Variants in ANKMY1 observed in about 807,000 individuals in gnomAD.
The protein encoded by ANKMY1 is ankyrin repeat and MYND domain-containing protein 1.
In ANKMY1, 98 loss-of-function variants were observed where a neutral mutation model predicts 102.0. The observed-to-expected ratio is 0.96, with a 90% CI of 0.82 to 1.14. The LOEUF (loss-of-function observed/expected upper bound fraction) is 1.14. ANKMY1 is among the 50% of genes most tolerant of loss of function. ANKMY1 has a pLI of 0.00. For missense variants in ANKMY1, 1,330 were observed against 1,347.6 expected (o/e 0.99, Z 0.20); for synonymous variants, 582 against 559.9 (o/e 1.04, Z -0.56).
In ANKMY1 at chr2:240,525,716, T is replaced by A; in HGVS notation, c.1304A>T (p.Asn435Ile). ...LHYPAQSFKPNVAERTIPEPQ... is the reference protein window; with the variant it reads ...LHYPAQSFKPIVAERTIPEPQ... ...CTCAGGTATGGTCCGTTCAGCAACA[T>A]TGGGCTTGAAGGACTGGGCGGGGTA... The change falls in exon 7 of 18, where the codon AAT becomes ATT. Residue 435 changes from asparagine (N) to isoleucine (I), a missense_variant. Coordinates refer to ENST00000401804, the MANE Select transcript of ANKMY1 (RefSeq NM_001282771.3). The A allele has an allele frequency of 1.9e-6, 3 of 1,613,938 alleles. No homozygotes were observed. Among genetic ancestry groups the A allele is most frequent in the Non-Finnish European group, 1.7e-6 (2 of 1,179,976 alleles).
intron 9 of ANKMY1, among the ~76,000 whole-genome samples, chr2:240,514,702 T>C (rs1437725579): frequency 6.6e-6 from 1 of 152,200 alleles, no homozygotes; most frequent in East Asian, 1.9e-4. Context: ...GCAAAATGCA[T>C]TGAAGAGCAA....
chr2:240,512,724 G>A, intron 10 of ANKMY1, 78 bp downstream of exon 10: 13 of 1,503,900 alleles, frequency 8.6e-6, no homozygotes, highest in Admixed American at 2.0e-5. Context: ...GCAAGCACAG[G>A]CTAGGCAGAG....
chr2:240,472,893 G>A, the ANKMY1 span, among the ~76,000 whole-genome samples: 2 of 152,310 alleles, frequency 1.3e-5, no homozygotes, highest in African/African-American at 2.4e-5. Context: ...GGGAGGCTGA[G>A]GCAGGTAGGT....
intron 11 of ANKMY1, among the ~76,000 whole-genome samples, chr2:240,510,002 CTCCCTGTCCTCCTCCCCCG>C (rs1046860600): frequency 6.8e-6 from 1 of 146,996 alleles, no homozygotes; most frequent in Non-Finnish European, 1.5e-5. Flanking sequence ...CCCTTTGTGC[CTCCCTGTCCTCCTCCCCCG>C]TCCCTGTCCT....
chr2:240,512,400 T>C (rs1299810897), intron 10 of ANKMY1, among the ~76,000 whole-genome samples: 2 of 152,198 alleles, frequency 1.3e-5, no homozygotes, highest in African/African-American at 4.8e-5. Context: ...TGGGGGTCTT[T>C]TGGAGCTTGG....
In ANKMY1 at chr2:240,553,051, G is replaced by A; in HGVS notation, c.343C>T (p.His115Tyr). The A allele has an allele frequency of 6.2e-7, 1 of 1,613,364 alleles. No homozygotes were observed. Among genetic ancestry groups the A allele is most frequent in the Non-Finnish European group, 8.5e-7 (1 of 1,179,488 alleles). The change falls in exon 4 of 18, where the codon CAT becomes TAT. Residue 115 changes from histidine to tyrosine, a missense_variant. Transcript: ENST00000401804. ...CAGTGGTCCCGGTAAAACTGCCCATGGTATGACTGTGAGATGGAGAAGTTG... is the reference window on the plus strand; with the variant it reads ...CAGTGGTCCCGGTAAAACTGCCCATAGTATGACTGTGAGATGGAGAAGTTG... ...KFSWPTGESY[H>Y]GQFYRDHCHG...
At chr2:240,478,104 C>T (rs2074977729), downstream of ANKMY1, among the ~76,000 whole-genome samples, 1 of 152,118 alleles carries the variant, frequency 6.6e-6, no homozygotes, top group African/African-American at 2.4e-5. Context: ...GTGTGGCAGC[C>T]CCTCCCCTTC....
chr2:240,476,951 A>G (rs1220415981), downstream of ANKMY1, among the ~76,000 whole-genome samples: 1 of 152,234 alleles, frequency 6.6e-6, no homozygotes, highest in African/African-American at 2.4e-5. Context: ...TTATTTGCAC[A>G]CAAGGCATAG....
At chr2:240,537,058 A>G (rs965075770) in intron 4 of ANKMY1, among the ~76,000 whole-genome samples, 2 of 152,140 alleles carry the variant, frequency 1.3e-5, no homozygotes, top group African/African-American at 4.8e-5. Flanking sequence ...GAAAAAAAGA[A>G]GAAAAAGAAA....
Position 240,553,036 on chromosome 2 carries a change from G to T in ANKMY1, c.358C>A (p.Arg120=), listed in dbSNP as rs751138075. Residue 120 remains arginine, a synonymous_variant, in exon 4 of 18, where the codon CGG becomes AGG. Transcript: ENST00000401804. ...GTACCCAGGCCATGGCAGTGGTCCC[G>T]GTAAAACTGCCCATGGTATGACTGT... is the stretch of plus-strand genomic sequence containing the variant. ...TGESYHGQFY[R]DHCHGLGTYM... 1 of 1,613,814 alleles carries T rather than the reference G, an allele frequency of 6.2e-7. No individual in the cohort carries two copies. The highest frequency in any genetic ancestry group is 8.5e-7 in the Non-Finnish European group (1 of 1,180,006).
chr2:240,512,779 T>C (rs1467924459), intron 10 of ANKMY1, 23 bp downstream of exon 10: 1 of 1,606,316 alleles, frequency 6.2e-7, no homozygotes, highest in African/African-American at 1.3e-5. Context: ...CCCATACCCC[T>C]ATCCAGGTCG....
intron 4 of ANKMY1, among the ~76,000 whole-genome samples, chr2:240,551,726 A>C (rs546558923): frequency 6.6e-6 from 1 of 152,342 alleles, no homozygotes; most frequent in African/African-American, 2.4e-5. Context: ...CCTCCTCAGC[A>C]TGGAGCAGCC....
chr2:240,523,556 C>T (rs1406601896), intron 8 of ANKMY1: 10 of 396,572 alleles, frequency 2.5e-5, no homozygotes, highest in Non-Finnish European at 4.2e-5. Context: ...AGGATAGGAC[C>T]CCTGACAGTG....
At chr2:240,528,959 C>T (rs771326230) in intron 5 of ANKMY1, 78 bp downstream of exon 5, 34 of 1,352,862 alleles carry the variant, frequency 2.5e-5, no homozygotes, top group Non-Finnish European at 3.5e-5. Flanking sequence ...TGGCAGCTGG[C>T]CGGGGACCTC....
chr2:240,475,156 A>G (rs1036251345), downstream of ANKMY1, among the ~76,000 whole-genome samples: 3 of 152,328 alleles, frequency 2.0e-5, no homozygotes, highest in African/African-American at 7.2e-5. Context: ...TTTGATTTGC[A>G]GTTCTCTAAT....
chr2:240,554,591 A>C, intron 3 of ANKMY1: 1 of 401,212 alleles, frequency 2.5e-6, no homozygotes. Flanking sequence ...TGCTATGGCA[A>C]TTCATAATTT....
rs146400802 is a variant in ANKMY1 at position 240,529,807 on chromosome 2, G to A, written c.481-298C>T. ...ATGATGGAAGTCTCATGGTGAAAGC[G>A]TGTCAGAGGTACCAGGTCTGGGTTC... is the stretch of plus-strand genomic sequence containing the variant. On this transcript the variant is annotated intron_variant, in intron 4 of 17. Transcript: ENST00000401804. This position sits in a 1 kb window ranked among gnomAD's most constrained non-coding sequence, Gnocchi z 4.2. Among the ~76,000 whole-genome samples, 659 of 152,260 alleles carry A rather than the reference G, an allele frequency of 4.3e-3. 11 individuals carry two copies. Among genetic ancestry groups the A allele is most frequent in the African/African-American group, 0.014 (602 of 41,558 alleles).
intron 3 of ANKMY1, 105 bp from the exon 4 acceptor site, chr2:240,553,162 C>G: frequency 7.3e-7 from 1 of 1,362,200 alleles, no homozygotes; most frequent in Non-Finnish European, 1.0e-6. Context: ...TGGGGACCAC[C>G]CAGGGCTGTG....
chr2:240,482,596 T>A (rs2075545995), intron 15 of ANKMY1, among the ~76,000 whole-genome samples: 1 of 152,276 alleles, frequency 6.6e-6, no homozygotes, highest in Non-Finnish European at 1.5e-5. Context: ...ATGTGTTATT[T>A]TATGTGAGTT....
Sources: allele counts gnomAD v4.1 joint callset (sites outside exome capture counted in the v4.1 genomes callset), GRCh38; gene constraint gnomAD v4.1.1; non-coding constraint Gnocchi (gnomAD v3.1); transcripts MANE v1.5; gene names NCBI Gene and HGNC (gene_info 2026-07-23, HGNC 2026-07-21).